MTOR: variants seen among roughly 807,000 people sequenced by gnomAD.
The protein encoded by MTOR is serine/threonine-protein kinase mTOR.
MTOR carries 70 observed loss-of-function variants against 319.8 expected under a neutral mutation model. The observed-to-expected ratio is 0.22, with a 90% CI of 0.18 to 0.27. The LOEUF is 0.27. MTOR is among the 10% of genes least tolerant of loss of function. MTOR has a pLI of 1.00. For synonymous variants in MTOR, 1,183 were observed against 1,211.4 expected, an observed-to-expected ratio of 0.98 and a Z score of 0.49; for missense variants, 1,890 against 3,274.4, an observed-to-expected ratio of 0.58 and a Z score of 10.32.
At chr1:11,209,546 C>A (rs1557845949) in intron 24 of MTOR, 88 bp from the exon 25 acceptor site, 1 of 1,472,000 alleles carries the variant, frequency 6.8e-7, no homozygotes, top group East Asian at 2.3e-5. Flanking sequence ...GAGGTGCAGA[C>A]CTGGTAGAGC....
chr1:11,234,067 A>C, intron 14 of MTOR, 76 bp downstream of exon 14: 1 of 1,604,710 alleles, frequency 6.2e-7, no homozygotes, highest in South Asian at 1.1e-5. Context: ...ACTAGTGAAC[A>C]CTGAAACACT....
At chr1:11,208,463 C>T (rs572228920) in intron 25 of MTOR, among the ~76,000 whole-genome samples, 1 of 152,392 alleles carries the variant, frequency 6.6e-6, no homozygotes, top group East Asian at 1.9e-4. Flanking sequence ...GTGAACGAGT[C>T]AGCTAGGACA....
At chr1:11,221,088 G>A (rs904940478) in intron 19 of MTOR, among the ~76,000 whole-genome samples, 7 of 151,668 alleles carry the variant, frequency 4.6e-5, no homozygotes, top group South Asian at 2.1e-4. Flanking sequence ...TCTGTCTCCC[G>A]GGTTCAAGAA....
At chr1:11,144,533 GT>G in intron 34 of MTOR, 114 bp downstream of exon 34, 3 of 760,652 alleles carry the variant, frequency 3.9e-6, no homozygotes, top group Non-Finnish European at 6.7e-6. Context: ...CAATACACTG[GT>G]GGAGGAGGCA....
chr1:11,171,071 T>C (rs1376202791), intron 28 of MTOR, among the ~76,000 whole-genome samples: 3 of 150,646 alleles, frequency 2.0e-5, no homozygotes, highest in Non-Finnish European at 3.0e-5. Flanking sequence ...GGCGGGCACC[T>C]GTAATCCCAG....
chr1:11,228,348 A>G (rs374216367), intron 19 of MTOR, among the ~76,000 whole-genome samples: 38 of 151,990 alleles, frequency 2.5e-4, no homozygotes, highest in Middle Eastern at 3.4e-3. Context: ...ACCATCACGC[A>G]TGGCTAATTT....
chr1:11,106,897 G>C lies in MTOR; in HGVS notation c.*588C>G, dbSNP rs1394576626. ...TCAGGTCTTGAATTGAAGCGTGTGA[G>C]TCGCAGCATCACTGGGTCTGATGGA... On this transcript the variant is annotated 3_prime_UTR_variant, in exon 58 of 58. Transcript: ENST00000361445. 1 of 1,364,256 alleles carries C rather than the reference G, an allele frequency of 7.3e-7. No homozygotes were observed. The highest frequency in any genetic ancestry group is 2.2e-5 in the Admixed American group (1 of 45,718). 84.5% of individuals were successfully genotyped at this position (1,364,256 alleles called of 1,614,324 possible).
intron 4 of MTOR, 51 bp downstream of exon 4, chr1:11,256,882 T>C (rs745460933): frequency 2.9e-5 from 45 of 1,554,360 alleles, no homozygotes; most frequent in East Asian, 4.6e-5. Context: ...GACCCCCCCA[T>C]GACACCATCG....
chr1:11,249,792 A>G (rs1370081026), intron 6 of MTOR, among the ~76,000 whole-genome samples: 2 of 147,612 alleles, frequency 1.4e-5, no homozygotes, highest in Non-Finnish European at 3.0e-5. Flanking sequence ...GTACAGAACA[A>G]AATGAAAAGT....
chr1:11,113,100 G>C (rs545152213), intron 53 of MTOR, among the ~76,000 whole-genome samples, 183 bp from the exon 54 acceptor site: 1 of 152,154 alleles, frequency 6.6e-6, no homozygotes, highest in Non-Finnish European at 1.5e-5. Context: ...GAAACCCAGG[G>C]GGACACTCTA....
intron 29 of MTOR, among the ~76,000 whole-genome samples, chr1:11,164,177 T>A (rs1030814784): frequency 2.0e-5 from 3 of 151,440 alleles, no homozygotes; most frequent in African/African-American, 7.3e-5. Context: ...ACCCCATCTC[T>A]ATAAAAAATT....
At chr1:11,177,026 TG>T (rs1165926208) in intron 28 of MTOR, among the ~76,000 whole-genome samples, 1 of 152,032 alleles carries the variant, frequency 6.6e-6, no homozygotes, top group Non-Finnish European at 1.5e-5. Context: ...GCTGCCGGAA[TG>T]CAGACAGGAG....
At chr1:11,249,494 T>C (rs1294601678) in intron 6 of MTOR, among the ~76,000 whole-genome samples, 6 of 149,282 alleles carry the variant, frequency 4.0e-5, no homozygotes. Context: ...CATGGGACAA[T>C]AGTGGAGGGA....
At chr1:11,193,774 G>A (rs780442174) in intron 28 of MTOR, 83 of 1,613,866 alleles carry the variant, frequency 5.1e-5, no homozygotes, top group Non-Finnish European at 6.2e-5. Flanking sequence ...TAGAGATGGA[G>A]GTAAGCACAA....
chr1:11,256,312 T>G, intron 4 of MTOR, 120 bp from the exon 5 acceptor site: 1 of 1,457,224 alleles, frequency 6.9e-7, no homozygotes, highest in Non-Finnish European at 9.1e-7. Flanking sequence ...TGCTCACTCT[T>G]CTAGCTAGGA....
intron 19 of MTOR, among the ~76,000 whole-genome samples, chr1:11,216,475 G>A (rs960776914): frequency 1.3e-5 from 2 of 152,070 alleles, no homozygotes; most frequent in East Asian, 1.9e-4. Flanking sequence ...GCAACATGGC[G>A]AGATCCTGTC....
intron 54 of MTOR, chr1:11,111,181 G>A (rs987495744): frequency 4.4e-6 from 2 of 455,344 alleles, no homozygotes; most frequent in African/African-American, 4.0e-5. Context: ...CATCCAATAA[G>A]GATAAATTAC....
chr1:11,116,649 A>G (rs1642183082), intron 50 of MTOR, among the ~76,000 whole-genome samples: 1 of 152,176 alleles, frequency 6.6e-6, no homozygotes, highest in Non-Finnish European at 1.5e-5. Context: ...GACTAAGGAG[A>G]AAGTAGTATC....
At chr1:11,108,012 T>C (rs1002905673) in intron 57 of MTOR, among the ~76,000 whole-genome samples, 169 bp downstream of exon 57, 4 of 152,240 alleles carry the variant, frequency 2.6e-5, no homozygotes, top group African/African-American at 9.6e-5. Context: ...CAGTTTCTTT[T>C]TTTATAACAA....
Sources: gnomAD v4.1 joint callset for allele counts (sites outside exome capture counted in the v4.1 genomes callset) on GRCh38, gnomAD v4.1.1 for gene constraint, MANE v1.5 for transcripts, NCBI Gene and HGNC (gene_info 2026-07-23, HGNC 2026-07-21) for gene names.